Variants in PLA2G5 observed in about 807,000 individuals in gnomAD.
The protein encoded by PLA2G5 is phospholipase A2 group V, also known as Ca2+-dependent phospholipase A2.
A neutral mutation model predicts 15.9 loss-of-function variants in PLA2G5; 12 were observed. The ratio of observed to expected loss-of-function variants is 0.76; its 90% CI spans 0.48 to 1.23. The LOEUF (loss-of-function observed/expected upper bound fraction) is 1.23. PLA2G5 is among the 50% of genes most tolerant of loss of function. The pLI is 0.00. For synonymous variants in PLA2G5, 71 were observed against 71.4 expected (o/e 0.99, Z 0.03); for missense variants, 169 against 177.1 (o/e 0.95, Z 0.26).
At chr1:20,053,577 G>C (rs532460984) in intron 1 of PLA2G5, among the ~76,000 whole-genome samples, 1 of 143,064 alleles carries the variant, frequency 7.0e-6, no homozygotes, top group Non-Finnish European at 1.5e-5. Context: ...TTGCGGGGGG[G>C]GGGGTGATAT....
chr1:20,039,747 T>G (rs1031138728), intron 1 of PLA2G5, among the ~76,000 whole-genome samples: 1 of 152,184 alleles, frequency 6.6e-6, no homozygotes, highest in Non-Finnish European at 1.5e-5. Context: ...TGTGTATCTG[T>G]GTATATTCCA....
At chr1:20,087,889 A>G (rs2016374112) in intron 3 of PLA2G5, among the ~76,000 whole-genome samples, 1 of 152,210 alleles carries the variant, frequency 6.6e-6, no homozygotes, top group Non-Finnish European at 1.5e-5. Flanking sequence ...CCAACCCTGG[A>G]ACAATTTAGC....
intron 1 of PLA2G5, among the ~76,000 whole-genome samples, chr1:20,032,251 T>C (rs141949381): frequency 1.5e-4 from 23 of 152,186 alleles, no homozygotes; most frequent in Non-Finnish European, 2.5e-4. Context: ...GGTTAACCTG[T>C]GAAACAAATG....
chr1:20,068,200 G>GGAATCATT (rs1010976906), upstream of PLA2G5, among the ~76,000 whole-genome samples: 2 of 152,164 alleles, frequency 1.3e-5, no homozygotes, highest in African/African-American at 2.4e-5. Flanking sequence ...AAAAGGTGCT[G>GGAATCATT]GAATCATTGA....
At chr1:20,086,471 C>T (rs2016296750) in intron 3 of PLA2G5, among the ~76,000 whole-genome samples, 1 of 152,214 alleles carries the variant, frequency 6.6e-6, no homozygotes, top group Non-Finnish European at 1.5e-5. Flanking sequence ...ATTTACTTTG[C>T]TTATGAATCT....
chr1:20,041,623 T>G (rs2013604801), intron 1 of PLA2G5, among the ~76,000 whole-genome samples: 1 of 152,070 alleles, frequency 6.6e-6, no homozygotes, highest in African/African-American at 2.4e-5. Context: ...ATTTCCATGA[T>G]GGAAAGGAAA....
At position 20,080,833 on chromosome 1, in the gene PLA2G5, C is replaced by T. The variant is rs138126026; in HGVS notation, c.-10-3988C>T. On this transcript the variant is annotated intron_variant, in intron 1 of 4. Transcript: ENST00000375108. ...GAATCTCATCTTTGGGGCTGCTTTGCCTGAGGGAGGTGCAGAGAGCAGGGC... is the reference window on the plus strand; with the variant it reads ...GAATCTCATCTTTGGGGCTGCTTTGTCTGAGGGAGGTGCAGAGAGCAGGGC... Among the ~76,000 whole-genome samples the T allele has an allele frequency of 1.9e-3, 283 of 151,874 alleles. 1 individual carries two copies. The highest frequency in any genetic ancestry group is 2.6e-3 in the Admixed American group (39 of 15,284).
chr1:20,069,731 A>AG (rs199615435), upstream of PLA2G5, among the ~76,000 whole-genome samples: 600 of 151,664 alleles, frequency 4.0e-3, 8 homozygotes, highest in African/African-American at 0.014. Flanking sequence ...AGATTAAAGA[A>AG]CTTTCTAGAT....
upstream of PLA2G5, among the ~76,000 whole-genome samples, chr1:20,067,684 T>C (rs1206369219): frequency 7.1e-6 from 1 of 141,282 alleles, no homozygotes; most frequent in Non-Finnish European, 1.5e-5. Context: ...TGAGACTCTG[T>C]CTCAAACAAA....
intron 1 of PLA2G5, among the ~76,000 whole-genome samples, chr1:20,035,034 G>T (rs1370074619): frequency 2.6e-5 from 4 of 152,244 alleles, no homozygotes; most frequent in South Asian, 4.2e-4. Context: ...TTTTCTGCTT[G>T]CTGCTTTCCA....
intron 2 of PLA2G5, among the ~76,000 whole-genome samples, chr1:20,061,262 T>C (rs1049255462): frequency 6.6e-6 from 1 of 152,128 alleles, no homozygotes; most frequent in African/African-American, 2.4e-5. Context: ...CACACCACCC[T>C]GGCCTGACTG....
intron 1 of PLA2G5, among the ~76,000 whole-genome samples, chr1:20,057,756 C>A (rs2014508102): frequency 6.6e-6 from 1 of 152,212 alleles, no homozygotes; most frequent in South Asian, 2.1e-4. Context: ...GCCTTGACCT[C>A]TCAAAGTGCT....
chr1:20,085,973 C>A, intron 2 of PLA2G5, 110 bp from the exon 3 acceptor site: 1 of 1,031,476 alleles, frequency 9.7e-7, no homozygotes, highest in Non-Finnish European at 1.4e-6. Flanking sequence ...AAGAGACATG[C>A]AGGTCCCTCC....
At chr1:20,047,601 G>T (rs893625219) in intron 1 of PLA2G5, among the ~76,000 whole-genome samples, 1 of 152,054 alleles carries the variant, frequency 6.6e-6, no homozygotes, top group Non-Finnish European at 1.5e-5. Context: ...TAAATCTGCT[G>T]TTATTTTTCT....
At chr1:20,073,747 G>A (rs1256046722) in intron 1 of PLA2G5, among the ~76,000 whole-genome samples, 1 of 151,974 alleles carries the variant, frequency 6.6e-6, no homozygotes, top group East Asian at 1.9e-4. Context: ...GCCCAGCGTG[G>A]TAATCCCAGC....
chr1:20,069,922 G>A (rs11573191), upstream of PLA2G5, among the ~76,000 whole-genome samples: 27,123 of 151,386 alleles, frequency 0.18, 2,547 homozygotes, highest in East Asian at 0.28. Flanking sequence ...TCTTGTCCCC[G>A]CCAAGACTGA....
At chr1:20,076,251 G>A (rs954972465) in intron 1 of PLA2G5, among the ~76,000 whole-genome samples, 5 of 151,806 alleles carry the variant, frequency 3.3e-5, no homozygotes, top group Middle Eastern at 6.3e-3. Context: ...TTAAAGCACC[G>A]TGTAGATCAA....
chr1:20,089,850 A>T lies in PLA2G5; in HGVS notation c.247A>T (p.Thr83Ser). The change falls in exon 4 of 5, where the codon ACA (threonine) becomes TCA (serine). Residue 83 changes from threonine (T) to serine (S), a missense_variant. Coordinates refer to ENST00000375108, the MANE Select transcript of PLA2G5 (RefSeq NM_000929.3). ...GGAGGAGAAGGGCTGCAACATTCGC[A>T]CACAGTCCTACAAATACAGATTCGC... is the stretch of plus-strand genomic sequence containing the variant. ...RLEEKGCNIR[T>S]QSYKYRFAWG... 1 of 1,614,094 alleles carries T rather than the reference A, an allele frequency of 6.2e-7. No homozygotes were observed. The highest frequency in any genetic ancestry group is 8.5e-7 in the Non-Finnish European group (1 of 1,179,978).
At chr1:20,066,251 A>AT (rs1243952244), upstream of PLA2G5, 6 of 152,136 alleles carry the variant, frequency 3.9e-5, no homozygotes, top group Non-Finnish European at 8.8e-5. Flanking sequence ...TCTTTTGCTC[A>AT]TTTTTTAATT....
Sources: allele counts gnomAD v4.1 joint callset (sites outside exome capture counted in the v4.1 genomes callset), GRCh38; gene constraint gnomAD v4.1.1; transcripts MANE v1.5; gene names NCBI Gene and HGNC (gene_info 2026-07-23, HGNC 2026-07-21).